The following ARL15 variants were observed in gnomAD, a reference collection of about 807,000 sequenced individuals.
ARL15 encodes ARF like GTPase 15, also known as ADP-ribosylation factor-like protein 15.
A neutral mutation model predicts 25.2 loss-of-function variants in ARL15; 19 were observed. The observed-to-expected ratio is 0.75, with a 90% CI of 0.53 to 1.10. The LOEUF (loss-of-function observed/expected upper bound fraction) is 1.10, where lower values mean the gene tolerates loss of function less well. Ranked by LOEUF, ARL15 falls within the 50% of genes least tolerant of loss-of-function variation. ARL15 has a pLI of 0.00. For synonymous variants in ARL15, 94 were observed against 86.8 expected (o/e 1.08, Z -0.46); for missense variants, 220 against 246.0 (o/e 0.89, Z 0.71).
intron 4 of ARL15, among the ~76,000 whole-genome samples, chr5:53,997,477 T>A (rs2111699908): frequency 6.6e-6 from 1 of 152,310 alleles, no homozygotes; most frequent in South Asian, 2.1e-4. Flanking sequence ...ACTTCTTGTT[T>A]CACTCTCCCT....
chr5:54,079,660 TAAA>T, intron 4 of ARL15, among the ~76,000 whole-genome samples: 1 of 152,050 alleles, frequency 6.6e-6, no homozygotes, highest in Middle Eastern at 3.4e-3. Context: ...AAATTCAAAA[TAAA>T]AACAAATTTA....
intron 1 of ARL15, among the ~76,000 whole-genome samples, chr5:54,207,623 C>T (rs528864887): frequency 5.9e-4 from 90 of 152,224 alleles, no homozygotes; most frequent in African/African-American, 2.1e-3. Flanking sequence ...AAAATAACTA[C>T]ATTTTGGAAA....
At chr5:54,027,480 A>G (rs1749816685) in intron 4 of ARL15, among the ~76,000 whole-genome samples, 1 of 152,230 alleles carries the variant, frequency 6.6e-6, no homozygotes, top group African/African-American at 2.4e-5. Flanking sequence ...CCAAAGGGGA[A>G]TTAATTATGT....
intron 1 of ARL15, among the ~76,000 whole-genome samples, chr5:54,257,860 T>G (rs1372637238): frequency 6.6e-6 from 1 of 152,186 alleles, no homozygotes; most frequent in Non-Finnish European, 1.5e-5. Context: ...TGTTGGTTTT[T>G]TTCAGAGCTG....
intron 4 of ARL15, among the ~76,000 whole-genome samples, chr5:54,029,825 C>T (rs1458863768): frequency 1.3e-5 from 2 of 152,070 alleles, no homozygotes; most frequent in Non-Finnish European, 2.9e-5. Flanking sequence ...AACTCCGCCT[C>T]TACTAAAAAT....
chr5:54,260,353 A>C (rs1228971490), intron 1 of ARL15, among the ~76,000 whole-genome samples: 3 of 152,208 alleles, frequency 2.0e-5, no homozygotes, highest in Admixed American at 6.5e-5. Flanking sequence ...ATAGGTACTA[A>C]GTCACCACTC....
intron 1 of ARL15, among the ~76,000 whole-genome samples, chr5:54,235,407 G>A (rs34430216): frequency 0.068 from 10,387 of 152,070 alleles, 456 homozygotes; most frequent in African/African-American, 0.11. Context: ...AGAATAACGG[G>A]TGGCATGATC....
chr5:54,014,525 CTT>C (rs35687303), intron 4 of ARL15, among the ~76,000 whole-genome samples: 114 of 146,696 alleles, frequency 7.8e-4, no homozygotes, highest in Middle Eastern at 3.4e-3. Flanking sequence ...AGTCCCCATT[CTT>C]TTTTTTTTTT....
At chr5:53,978,804 A>G (rs1307622869) in intron 4 of ARL15, among the ~76,000 whole-genome samples, 1 of 152,172 alleles carries the variant, frequency 6.6e-6, no homozygotes, top group Non-Finnish European at 1.5e-5. Flanking sequence ...GGCCACTTAA[A>G]TAGTGGAAGG....
intron 1 of ARL15, among the ~76,000 whole-genome samples, chr5:54,184,257 A>C (rs1755158431): frequency 3.9e-5 from 1 of 25,500 alleles, no homozygotes; most frequent in Non-Finnish European, 7.4e-5. Flanking sequence ...AATAAAAAAA[A>C]AATCAAAAAA....
chr5:53,989,778 C>T (rs1748421916), intron 4 of ARL15, among the ~76,000 whole-genome samples: 1 of 152,152 alleles, frequency 6.6e-6, no homozygotes, highest in Admixed American at 6.6e-5. Context: ...AGAGCGACTC[C>T]TTCCACAGAA....
intron 3 of ARL15, among the ~76,000 whole-genome samples, chr5:54,134,878 C>T (rs1475533683): frequency 2.6e-5 from 4 of 152,068 alleles, no homozygotes; most frequent in Non-Finnish European, 5.9e-5. Context: ...CCACTGCGCC[C>T]AGCTGGAATG....
At chr5:54,238,557 G>A (rs1756869172) in intron 1 of ARL15, among the ~76,000 whole-genome samples, 1 of 152,112 alleles carries the variant, frequency 6.6e-6, no homozygotes, top group Non-Finnish European at 1.5e-5. Context: ...TAGAGCACTA[G>A]AATGAGTGGC....
chr5:54,188,297 G>A (rs573447629), intron 1 of ARL15, among the ~76,000 whole-genome samples: 1 of 152,284 alleles, frequency 6.6e-6, no homozygotes, highest in Non-Finnish European at 1.5e-5. Context: ...GAGTGGGAGG[G>A]AAAGGATTAG....
chr5:54,011,263 T>C (rs1313529946), intron 4 of ARL15, among the ~76,000 whole-genome samples: 2 of 152,208 alleles, frequency 1.3e-5, no homozygotes, highest in African/African-American at 2.4e-5. Flanking sequence ...TTGTAGATTA[T>C]AAAACTGTAA....
chr5:54,167,150 C>T (rs1046555830), intron 2 of ARL15, among the ~76,000 whole-genome samples: 1 of 152,140 alleles, frequency 6.6e-6, no homozygotes, highest in African/African-American at 2.4e-5. Flanking sequence ...ACCACTGTTC[C>T]CTCTAGTCCT....
At chr5:53,909,600 A>C (rs899745737) in intron 4 of ARL15, among the ~76,000 whole-genome samples, 1 of 152,158 alleles carries the variant, frequency 6.6e-6, no homozygotes, top group Non-Finnish European at 1.5e-5. Context: ...CAGCTACTCA[A>C]GAGGCTGAGG....
intron 4 of ARL15, among the ~76,000 whole-genome samples, chr5:54,009,043 T>C (rs3776707): frequency 0.28 from 41,973 of 152,088 alleles, 6,016 homozygotes; most frequent in East Asian, 0.46. Flanking sequence ...CTGGCAGTAG[T>C]ATTCATGTTT....
intron 4 of ARL15, among the ~76,000 whole-genome samples, chr5:54,082,886 A>T (rs908587595): frequency 6.6e-6 from 1 of 152,234 alleles, no homozygotes; most frequent in African/African-American, 2.4e-5. Flanking sequence ...AGAATTGGGC[A>T]TAGTAAAAGA....
Sources: allele counts gnomAD v4.1 joint callset (sites outside exome capture counted in the v4.1 genomes callset), GRCh38; gene constraint gnomAD v4.1.1; transcripts MANE v1.5; gene names NCBI Gene and HGNC (gene_info 2026-07-23, HGNC 2026-07-21).